Variants in JAK3 observed in about 807,000 individuals in gnomAD.
The protein encoded by JAK3 is Janus kinase 3.
Under a neutral mutation model 120.8 loss-of-function variants are expected in JAK3, and 88 were observed. That is an observed-to-expected ratio of 0.73 (90% CI 0.61 to 0.87). The LOEUF is 0.87. Ranked by LOEUF, JAK3 falls within the 40% of genes least tolerant of loss-of-function variation. The pLI is 0.00. For missense variants in JAK3, 1,254 were observed against 1,501.4 expected, an observed-to-expected ratio of 0.84 and a Z score of 2.72; for synonymous variants, 592 against 628.6, an observed-to-expected ratio of 0.94 and a Z score of 0.87.
intron 23 of JAK3, 123 bp from the exon 24 acceptor site, chr19:17,827,033 G>A: frequency 9.2e-7 from 1 of 1,084,272 alleles, no homozygotes; most frequent in Non-Finnish European, 1.3e-6. Context: ...AGGCTGGAGT[G>A]CAATGGCATG....
intron 8 of JAK3, 34 bp from the exon 9 acceptor site, chr19:17,840,375 T>A: frequency 7.1e-7 from 1 of 1,406,194 alleles, no homozygotes; most frequent in Non-Finnish European, 1.0e-6. Flanking sequence ...TGGGGAGGAG[T>A]CAGAGATAGA....
In JAK3 at chr19:17,841,346, C is replaced by G. The variant is rs200475221; in HGVS notation, c.1142+43G>C. 6 of 1,531,940 alleles carry G rather than the reference C, an allele frequency of 3.9e-6. No individual in the cohort carries two copies. The highest frequency in any genetic ancestry group is 5.3e-6 in the Non-Finnish European group (6 of 1,142,102). 94.9% of individuals were successfully genotyped at this position (1,531,940 alleles called of 1,614,324 possible). A position where few individuals can be genotyped will look rare whatever the true frequency, so the allele number is the denominator to read the frequency against. ...CTGAGGCATAGAGAAGGGGAGGGGC[C>G]CTGAGTGGCCACAGAGGCCGGGAAT... On this transcript the variant is annotated intron_variant, in intron 8 of 23. Transcript: ENST00000458235. The surrounding 1 kb of genome is among the most constrained non-coding windows in gnomAD (Gnocchi z 4.1).
rs2147677447 is a variant in JAK3 at position 17,831,902 on chromosome 19, G to C, written c.2681-104C>G. 1 of 1,465,350 alleles carries C rather than the reference G, an allele frequency of 6.8e-7. No individual in the cohort carries two copies. Among genetic ancestry groups the C allele is most frequent in the Non-Finnish European group, 9.5e-7 (1 of 1,058,180 alleles). The allele number at this position is 1,465,350 out of a possible 1,614,324, so 90.8% of individuals were successfully genotyped here. Reference sequence around the variant, plus strand: ...TTGTGTCCCTCTCGACCTCAGTTTTGCTGACTGTAATATGGGAACCGCAAC... The same window carrying C: ...TTGTGTCCCTCTCGACCTCAGTTTTCCTGACTGTAATATGGGAACCGCAAC... On this transcript the variant is annotated intron_variant, in intron 19 of 23. Transcript: ENST00000458235. This position sits in a 1 kb window ranked among gnomAD's most constrained non-coding sequence, Gnocchi z 5.1.
chr19:17,836,389 TCTCCTGTCTCAGC>T (rs1466944604), intron 13 of JAK3, among the ~76,000 whole-genome samples: 1 of 152,082 alleles, frequency 6.6e-6, no homozygotes, highest in African/African-American at 2.4e-5. Flanking sequence ...TTCAAGTGAT[TCTCCTGTCTCAGC>T]CTCCTAAGTA....
Position 17,841,717 on chromosome 19 carries a change from T to C in JAK3, c.907A>G (p.Ile303Val). ...GGGCCAACGCGCGGGGCCTGCTTGATGCTAATGTCTACGATTTCTGGAAAG... is the reference window on the plus strand; with the variant it reads ...GGGCCAACGCGCGGGGCCTGCTTGACGCTAATGTCTACGATTTCTGGAAAG... ...CDFPEIVDISIKQAPRVGPAG... is the reference protein window; with the variant it reads ...CDFPEIVDISVKQAPRVGPAG... The change falls in exon 7 of 24, where the codon ATC becomes GTC. Residue 303 changes from isoleucine to valine, a missense_variant. This residue lies in a region of JAK3 where 486 missense variants were observed against 503.0 expected (regional missense o/e 0.97). Coordinates refer to ENST00000458235, the MANE Select transcript of JAK3 (RefSeq NM_000215.4). The surrounding 1 kb of genome is among the most constrained non-coding windows in gnomAD (Gnocchi z 4.1). 6.2e-7 allele frequency: 1 copy of C among 1,612,660 alleles called. No homozygotes were observed. The highest frequency in any genetic ancestry group is 8.5e-7 in the Non-Finnish European group (1 of 1,179,950).
At position 17,826,541 on chromosome 19, in the gene JAK3, C is replaced by T. The variant is rs200253509; in HGVS notation, c.*202G>A. 1.6e-6 allele frequency: 1 copy of T among 633,618 alleles called. No individual in the cohort carries two copies. The highest frequency in any genetic ancestry group is 2.8e-6 in the Non-Finnish European group (1 of 350,886). The allele number at this position is 633,618 out of a possible 1,614,324, so 39.2% of individuals were successfully genotyped here. On this transcript the variant is annotated 3_prime_UTR_variant, in exon 24 of 24. Transcript: ENST00000458235. ...AGAGAGCCCCACTGACACATATGCCCATCTGTCTTGAACCTTAACAAATTG... is the reference window on the plus strand; with the variant it reads ...AGAGAGCCCCACTGACACATATGCCTATCTGTCTTGAACCTTAACAAATTG...
In JAK3 at chr19:17,831,670, G is replaced by T. The variant is rs1405813255; in HGVS notation, c.2805+4C>A. ...CCCACAAGTCCCGGGGCGCCCCCTC[G>T]CACCTTGCAGATCTGCGAGGAATAG... is the stretch of plus-strand genomic sequence containing the variant. On this transcript the variant is annotated splice_donor_region_variant and intron_variant, in intron 20 of 23. Transcript: ENST00000458235. This position sits in a 1 kb window ranked among gnomAD's most constrained non-coding sequence, Gnocchi z 5.1. The T allele has an allele frequency of 4.4e-6, 7 of 1,605,332 alleles. No individual in the cohort carries two copies. The Admixed American group carries it at 5.1e-5, about 12-fold the overall frequency.
At chr19:17,836,658 T>C (rs556421304) in intron 13 of JAK3, 2 of 407,646 alleles carry the variant, frequency 4.9e-6, no homozygotes, top group Non-Finnish European at 9.2e-6. Flanking sequence ...CTTGTCCTTA[T>C]CTTTCCAGGT....
rs200836500 is a variant in JAK3, at chr19:17,839,633, G to C, written c.1285C>G (p.Leu429Val). 6.2e-7 allele frequency: 1 copy of C among 1,611,776 alleles called. No homozygotes were observed. Among genetic ancestry groups the C allele is most frequent in the Non-Finnish European group, 8.5e-7 (1 of 1,179,364 alleles). Residue 429 changes from leucine to valine, a missense_variant, in exon 10 of 24, where the codon CTC becomes GTC. Leu to Val is a conservative substitution (Grantham distance 32). This residue lies in a region of JAK3 where 486 missense variants were observed against 503.0 expected (regional missense o/e 0.97). Coordinates refer to ENST00000458235, the MANE Select transcript of JAK3 (RefSeq NM_000215.4). Reference sequence around the variant, plus strand: ...GTTCCTGTGGGGCTGCGCCGGATGAGGCAGCCCTTATAATCAGGACCAAGG... The same window carrying C: ...GTTCCTGTGGGGCTGCGCCGGATGACGCAGCCCTTATAATCAGGACCAAGG... ...NPLGPDYKGC[L>V]IRRSPTGTFL...
At chr19:17,838,238 C>T (rs749375693) in intron 11 of JAK3, 25 bp downstream of exon 11, 10 of 1,613,790 alleles carry the variant, frequency 6.2e-6, no homozygotes, top group East Asian at 2.2e-5. Flanking sequence ...ACTGAGGTAT[C>T]GCCTCATTTC....
rs909732304 is a variant in JAK3 at position 17,825,153 on chromosome 19, T to C, written c.*1590A>G. On this transcript the variant is annotated 3_prime_UTR_variant, in exon 24 of 24. Coordinates refer to ENST00000458235, the MANE Select transcript of JAK3 (RefSeq NM_000215.4). ...AGCCAAGGGGTAAGCTCTGACCATT[T>C]TGCAGGGGACAGAACTGAGACCCAG... 1 of 229,480 alleles carries C rather than the reference T, an allele frequency of 4.4e-6. No individual in the cohort carries two copies. The highest frequency in any genetic ancestry group is 8.6e-6 in the Non-Finnish European group (1 of 115,786). The allele number at this position is 229,480 out of a possible 1,614,324, so 14.2% of individuals were successfully genotyped here.
At position 17,831,464 on chromosome 19, in the gene JAK3, G is replaced by A. The variant is rs1182158392; in HGVS notation, c.2806-64C>T. The stretch of plus-strand genomic sequence containing the variant: ...GGATAATCCGGCAGGTACCCCAAGC[G>A]TGACCTGGCACCCCAACCCAGACCC... On this transcript the variant is annotated intron_variant, in intron 20 of 23. Transcript: ENST00000458235. The surrounding 1 kb of genome is among the most constrained non-coding windows in gnomAD (Gnocchi z 5.1). 2 of 1,588,318 alleles carry A rather than the reference G, an allele frequency of 1.3e-6. No individual in the cohort carries two copies. The highest frequency in any genetic ancestry group is 1.7e-6 in the Non-Finnish European group (2 of 1,171,392).
intron 14 of JAK3, among the ~76,000 whole-genome samples, chr19:17,835,714 T>A (rs2094222923): frequency 6.6e-6 from 1 of 152,160 alleles, no homozygotes; most frequent in Admixed American, 6.6e-5. Context: ...AAGCCTTTCT[T>A]CCTGCCCAGC....
intron 1 of JAK3, among the ~76,000 whole-genome samples, chr19:17,846,025 C>T (rs1424627111): frequency 1.3e-5 from 2 of 151,996 alleles, no homozygotes; most frequent in East Asian, 1.9e-4. Context: ...ACCATGTTGG[C>T]GAGGCTGGTC....
chr19:17,843,375 C>T lies in JAK3; in HGVS notation c.420+5G>A. The T allele has an allele frequency of 6.3e-7, 1 of 1,579,130 alleles. No individual in the cohort carries two copies. The highest frequency in any genetic ancestry group is 1.1e-5 in the South Asian group (1 of 87,140). The stretch of plus-strand genomic sequence containing the variant: ...CCCTGGGTCAAACCCCAGGCAGAAC[C>T]CCACCTGGGCAAAGAGGTGCTCCAG... On this transcript the variant is annotated splice_donor_5th_base_variant and intron_variant, in intron 4 of 23. Transcript: ENST00000458235. This position sits in a 1 kb window ranked among gnomAD's most constrained non-coding sequence, Gnocchi z 5.4.
Position 17,841,264 on chromosome 19 carries a change from C to T in JAK3, c.1142+125G>A, listed in dbSNP as rs2094237812. On this transcript the variant is annotated intron_variant, in intron 8 of 23. Coordinates refer to ENST00000458235, the MANE Select transcript of JAK3 (RefSeq NM_000215.4). The surrounding 1 kb of genome is among the most constrained non-coding windows in gnomAD (Gnocchi z 4.1). ...TCAGCTTCACTGAGCGCTGACTGTG[C>T]GGCAGGTGTGGTTTGAAAACTTGAC... 5.5e-6 allele frequency: 5 copies of T among 911,928 alleles called. No individual in the cohort carries two copies. The highest frequency in any genetic ancestry group is 1.6e-5 in the African/African-American group (1 of 60,628). The allele number at this position is 911,928 out of a possible 1,614,324, so 56.5% of individuals were successfully genotyped here.
Position 17,826,977 on chromosome 19 carries a change from C to T in JAK3, c.3208-67G>A, listed in dbSNP as rs3212797. 204,493 of 1,542,708 alleles carry T rather than the reference C, an allele frequency of 0.13. 17,055 individuals are homozygous for T. The highest frequency in any genetic ancestry group is 0.41 in the African/African-American group (29,975 of 73,574). ...TCCAAAGGACACAACTCCCATTCAG[C>T]GTATTTGTTTTTGTTTTTTTGAGAC... On this transcript the variant is annotated intron_variant, in intron 23 of 23. Transcript: ENST00000458235.
rs765179214 is a variant in JAK3, at chr19:17,844,431, C to T, written c.-13-1G>A. The T allele has an allele frequency of 6.2e-6, 10 of 1,604,378 alleles. No individual in the cohort carries two copies. In the East Asian group the frequency reaches 1.1e-4, roughly 18 times the overall value. ...TGGAGGTGCCATGAGTGCAACTTGC[C>T]TGGGGCACAGAGAGAAAAAGCCCCT... On this transcript the variant is annotated splice_acceptor_variant, in intron 1 of 23. Transcript: ENST00000458235. LOFTEE classifies it low-confidence loss of function (5UTR_SPLICE).
chr19:17,835,099 A>G lies in JAK3; in HGVS notation c.2031T>C (p.Ala677=), dbSNP rs376537850. The G allele has an allele frequency of 6.2e-7, 1 of 1,614,018 alleles. No homozygotes were observed. The highest frequency in any genetic ancestry group is 8.5e-7 in the Non-Finnish European group (1 of 1,180,024). ...IKLSDPGVSP[A]VLSLEMLTDR... ...GGAACTTACTCTCCAGGCTTAACAC[A>G]GCGGGGCTGACCCCAGGGTCACTCA... The change falls in exon 15 of 24, where the codon GCT becomes GCC. Residue 677 remains alanine, a synonymous_variant. Coordinates refer to ENST00000458235, the MANE Select transcript of JAK3 (RefSeq NM_000215.4).
Sources: gnomAD v4.1 joint callset for allele counts (sites outside exome capture counted in the v4.1 genomes callset) on GRCh38, gnomAD v4.1.1 for gene constraint, gnomAD v4.1.1 regional missense constraint, Gnocchi (gnomAD v3.1) non-coding constraint, MANE v1.5 for transcripts, NCBI Gene and HGNC (gene_info 2026-07-23, HGNC 2026-07-21) for gene names.